CNBP: variants seen among roughly 807,000 people sequenced by gnomAD.
The protein encoded by CNBP is cellular nucleic acid-binding protein.
CNBP carries 6 observed loss-of-function variants against 21.2 expected under a neutral mutation model. The ratio of observed to expected loss-of-function variants is 0.28; its 90% CI spans 0.16 to 0.56. The LOEUF is 0.56. CNBP is among the 20% of genes least tolerant of loss of function. The probability of loss-of-function intolerance (pLI) is 0.93; values close to 1 mark genes in which losing one functional copy is unlikely to be tolerated. For missense variants in CNBP, 112 were observed against 233.1 expected, an observed-to-expected ratio of 0.48 and a Z score of 3.38; for synonymous variants, 61 against 74.9, an observed-to-expected ratio of 0.81 and a Z score of 0.96.
intron 1 of CNBP, among the ~76,000 whole-genome samples, chr3:129,174,809 C>T (rs1217791957): frequency 6.6e-6 from 1 of 152,148 alleles, no homozygotes; most frequent in Admixed American, 6.6e-5. Flanking sequence ...ATTATTTGCA[C>T]ATAAATGATT....
rs1467103041 is a variant in CNBP, at chr3:129,168,818, C to T, written c.*1635G>A. Among the ~76,000 whole-genome samples, 3 of 151,602 alleles carry T rather than the reference C, an allele frequency of 2.0e-5. No homozygotes were observed. The highest frequency in any genetic ancestry group is 2.9e-5 in the Non-Finnish European group (2 of 67,926). On this transcript the variant is annotated 3_prime_UTR_variant, in exon 5 of 5. Transcript: ENST00000422453. Reference sequence around the variant, plus strand: ...TCTACTAAAAATACAAAAAATAGGCCGGGCGCGGTGGCTCACGCCTGTGAT... The same window carrying T: ...TCTACTAAAAATACAAAAAATAGGCTGGGCGCGGTGGCTCACGCCTGTGAT...
At chr3:129,178,004 C>A (rs1355673911) in intron 1 of CNBP, among the ~76,000 whole-genome samples, 1 of 151,780 alleles carries the variant, frequency 6.6e-6, no homozygotes, top group East Asian at 1.9e-4. Context: ...ACTAAAAATA[C>A]AAAAATTAGC....
At chr3:129,173,372 T>C (rs1223973903) in intron 1 of CNBP, among the ~76,000 whole-genome samples, 2 of 152,146 alleles carry the variant, frequency 1.3e-5, no homozygotes, top group Non-Finnish European at 2.9e-5. Context: ...ACTTCACAGA[T>C]ACCAAGAGAT....
intron 1 of CNBP, among the ~76,000 whole-genome samples, chr3:129,174,166 T>C (rs1462181254): frequency 1.3e-5 from 2 of 152,124 alleles, no homozygotes; most frequent in Admixed American, 6.6e-5. Context: ...TATGAGTTAC[T>C]GGTGCTTTCA....
intron 1 of CNBP, among the ~76,000 whole-genome samples, chr3:129,173,442 G>C (rs1937675062): frequency 6.6e-6 from 1 of 152,046 alleles, no homozygotes; most frequent in Non-Finnish European, 1.5e-5. Context: ...GCTAATAATA[G>C]CACCTACAGC....
At chr3:129,181,733 C>T (rs569137339) in intron 1 of CNBP, among the ~76,000 whole-genome samples, 2 of 151,470 alleles carry the variant, frequency 1.3e-5, no homozygotes, top group East Asian at 3.9e-4. Flanking sequence ...AATACATTAC[C>T]TCTCCTGTTA....
At position 129,169,845 on chromosome 3, in the gene CNBP, A is replaced by G; in HGVS notation, c.*608T>C. The G allele has an allele frequency of 4.4e-6, 1 of 228,348 alleles. No individual in the cohort carries two copies. Among genetic ancestry groups the G allele is most frequent in the Middle Eastern group, 1.3e-3 (1 of 764 alleles). The allele number at this position is 228,348 out of a possible 1,614,324, so 14.1% of individuals were successfully genotyped here. A position where few individuals can be genotyped will look rare whatever the true frequency, so the allele number is the denominator to read the frequency against. On this transcript the variant is annotated 3_prime_UTR_variant, in exon 5 of 5. Transcript: ENST00000422453. Reference sequence around the variant, plus strand: ...TAGTCTTTGAAAATAATGTGTTCTAAACCTTTGCCATCACCATCTATGTGT... The same window carrying G: ...TAGTCTTTGAAAATAATGTGTTCTAGACCTTTGCCATCACCATCTATGTGT...
intron 1 of CNBP, among the ~76,000 whole-genome samples, chr3:129,172,461 A>C (rs992925178): frequency 1.3e-5 from 2 of 152,202 alleles, no homozygotes; most frequent in Non-Finnish European, 2.9e-5. Flanking sequence ...ATGCGCCTGT[A>C]ATCCCAGCTA....
intron 1 of CNBP, among the ~76,000 whole-genome samples, chr3:129,181,575 G>C (rs560866477): frequency 7.0e-6 from 1 of 143,680 alleles, no homozygotes; most frequent in South Asian, 2.2e-4. Context: ...CGCTTAATCC[G>C]GGAGGCGGAG....
intron 1 of CNBP, among the ~76,000 whole-genome samples, chr3:129,180,133 T>C (rs2107647168): frequency 6.6e-6 from 1 of 152,182 alleles, no homozygotes; most frequent in South Asian, 2.1e-4. Context: ...CAATCTCTAC[T>C]TCAAAATATT....
At chr3:129,175,483 G>A (rs1937842004) in intron 1 of CNBP, among the ~76,000 whole-genome samples, 1 of 149,086 alleles carries the variant, frequency 6.7e-6, no homozygotes, top group Admixed American at 6.7e-5. Flanking sequence ...AGGCTGGAGT[G>A]CGGTGGCGCC....
At chr3:129,181,655 A>AAAAAAAAAAAAAAAG (rs1264573788) in intron 1 of CNBP, among the ~76,000 whole-genome samples, 6,845 of 141,070 alleles carry the variant, frequency 0.049, 1,172 homozygotes, top group African/African-American at 0.19. Context: ...GTCTCAGAAA[A>AAAAAAAAAAAAAAAG]AAAAAAAGAA....
At chr3:129,182,708 G>A (rs1233293622) in intron 1 of CNBP, among the ~76,000 whole-genome samples, 1 of 152,108 alleles carries the variant, frequency 6.6e-6, no homozygotes, top group Non-Finnish European at 1.5e-5. Context: ...TTCTGGTAAT[G>A]GCGCTTTTAA....
At chr3:129,175,304 A>G (rs1208375334) in intron 1 of CNBP, among the ~76,000 whole-genome samples, 9 of 151,924 alleles carry the variant, frequency 5.9e-5, no homozygotes, top group African/African-American at 1.7e-4. Context: ...AACCTGGGTG[A>G]CAGAGCAAGA....
At chr3:129,172,591 G>A (rs994801112) in intron 1 of CNBP, among the ~76,000 whole-genome samples, 8 of 28,768 alleles carry the variant, frequency 2.8e-4, no homozygotes, top group Non-Finnish European at 7.9e-4. Context: ...CAGGCAGGCA[G>A]GCAGGCAGGC....
intron 1 of CNBP, among the ~76,000 whole-genome samples, chr3:129,176,492 C>T (rs183420775): frequency 6.6e-6 from 1 of 152,240 alleles, no homozygotes; most frequent in Non-Finnish European, 1.5e-5. Flanking sequence ...CTTTTAGTAG[C>T]CATTATGTAA....
chr3:129,180,964 G>T (rs192534193), intron 1 of CNBP, among the ~76,000 whole-genome samples: 9 of 152,022 alleles, frequency 5.9e-5, no homozygotes, highest in African/African-American at 2.2e-4. Context: ...TGTTGGCAAG[G>T]CACGGTGGCT....
chr3:129,174,745 C>T (rs1360782149), intron 1 of CNBP, among the ~76,000 whole-genome samples: 1 of 151,386 alleles, frequency 6.6e-6, no homozygotes, highest in African/African-American at 2.4e-5. Flanking sequence ...CATTTTGTAT[C>T]TTCTCCAATT....
rs571556654 is a variant in CNBP, at chr3:129,168,036, A to G, written c.*2417T>C. 1.3e-5 allele frequency among the ~76,000 whole-genome samples: 2 copies of G among 152,330 alleles called. No individual in the cohort carries two copies. Among genetic ancestry groups the G allele is most frequent in the South Asian group, 2.1e-4 (1 of 4,830 alleles). On this transcript the variant is annotated 3_prime_UTR_variant, in exon 5 of 5. Transcript: ENST00000422453. The stretch of plus-strand genomic sequence containing the variant: ...ACCACCATTTTAACACTGAATCACT[A>G]TACCATGAACTGACAGAACCCTGCA...
Sources: gnomAD v4.1 joint callset for allele counts (sites outside exome capture counted in the v4.1 genomes callset) on GRCh38, gnomAD v4.1.1 for gene constraint, MANE v1.5 for transcripts, NCBI Gene and HGNC (gene_info 2026-07-23, HGNC 2026-07-21) for gene names.